SAMD5: variants seen among roughly 807,000 people sequenced by gnomAD.
The protein encoded by SAMD5 is sterile alpha motif domain containing 5.
SAMD5 carries 13 observed loss-of-function variants against 11.3 expected under a neutral mutation model. The ratio of observed to expected loss-of-function variants is 1.15; its 90% CI spans 0.75 to 1.83. SAMD5 has a LOEUF of 1.83. Ranked by LOEUF, SAMD5 falls within the 40% of genes most tolerant of loss-of-function variation. SAMD5 has a pLI of 0.00. For synonymous variants in SAMD5, 129 were observed against 111.3 expected (o/e 1.16, Z -1.00); for missense variants, 255 against 239.1 (o/e 1.07, Z -0.44).
intron 1 of SAMD5, chr6:147,729,771 A>C (rs1170385883): frequency 4.4e-6 from 2 of 457,112 alleles, no homozygotes; most frequent in Non-Finnish European, 8.8e-6. Flanking sequence ...CTGAGAGGTG[A>C]TGTGCCTGAT....
intron 1 of SAMD5, among the ~76,000 whole-genome samples, chr6:147,584,980 G>A (rs1479675972): frequency 6.6e-6 from 1 of 151,856 alleles, no homozygotes; most frequent in Non-Finnish European, 1.5e-5. Context: ...ATGCCTAAAT[G>A]TATGAGTATA....
At chr6:147,821,949 G>A in the SAMD5 span, among the ~76,000 whole-genome samples, 4 of 152,094 alleles carry the variant, frequency 2.6e-5, no homozygotes, top group African/African-American at 4.8e-5. Context: ...TCAGAATGAA[G>A]TAATAGAAAC....
intron 1 of SAMD5, among the ~76,000 whole-genome samples, chr6:147,580,016 C>G (rs377046847): frequency 6.5e-4 from 99 of 152,146 alleles, no homozygotes; most frequent in Non-Finnish European, 1.1e-3. Context: ...CTCCTTCACG[C>G]AGGAGGGAGT....
chr6:147,940,033 G>C, the SAMD5 span, among the ~76,000 whole-genome samples: 1 of 151,980 alleles, frequency 6.6e-6, no homozygotes, highest in African/African-American at 2.4e-5. Flanking sequence ...AGGTGTCTTA[G>C]GCAAAGAGAA....
At chr6:147,686,624 T>G (rs1388349641) in intron 1 of SAMD5, among the ~76,000 whole-genome samples, 1 of 152,190 alleles carries the variant, frequency 6.6e-6, no homozygotes, top group East Asian at 1.9e-4. Context: ...ATACTGTTTA[T>G]TGGTATATTT....
At chr6:147,872,812 G>C in the SAMD5 span, among the ~76,000 whole-genome samples, 4 of 152,028 alleles carry the variant, frequency 2.6e-5, no homozygotes, top group Admixed American at 1.3e-4. Flanking sequence ...CAAATGGATG[G>C]GTCAGTACCA....
the SAMD5 span, among the ~76,000 whole-genome samples, chr6:147,786,120 C>T: frequency 9.9e-5 from 15 of 152,124 alleles, no homozygotes; most frequent in Non-Finnish European, 1.5e-4. Context: ...TTTTGAGTTC[C>T]GCAAAATGTC....
the SAMD5 span, among the ~76,000 whole-genome samples, chr6:147,911,786 G>C: frequency 6.6e-6 from 1 of 152,192 alleles, no homozygotes; most frequent in Non-Finnish European, 1.5e-5. Context: ...GGTCAGCTGA[G>C]TAGCTGGTCT....
At chr6:147,894,921 T>G in the SAMD5 span, among the ~76,000 whole-genome samples, 1 of 152,238 alleles carries the variant, frequency 6.6e-6, no homozygotes, top group Non-Finnish European at 1.5e-5. Context: ...GATTAAATTT[T>G]GATTCATTAG....
At chr6:147,519,725 G>C (rs1221280538) in intron 1 of SAMD5, among the ~76,000 whole-genome samples, 3 of 152,144 alleles carry the variant, frequency 2.0e-5, no homozygotes, top group African/African-American at 7.2e-5. Flanking sequence ...TGGGTTGGGG[G>C]CCTCTGAATT....
chr6:147,577,529 C>T (rs138223702), intron 1 of SAMD5, among the ~76,000 whole-genome samples: 126 of 152,102 alleles, frequency 8.3e-4, no homozygotes, highest in African/African-American at 2.9e-3. Flanking sequence ...GAACCTACAA[C>T]TAAATGAATT....
intron 1 of SAMD5, among the ~76,000 whole-genome samples, chr6:147,690,418 G>A (rs1382836786): frequency 6.6e-6 from 1 of 152,148 alleles, no homozygotes; most frequent in Non-Finnish European, 1.5e-5. Context: ...CCAACACTTT[G>A]GGAGGCTGAG....
At chr6:147,557,952 C>A (rs114860419) in intron 1 of SAMD5, among the ~76,000 whole-genome samples, 2,016 of 152,202 alleles carry the variant, frequency 0.013, 45 homozygotes, top group African/African-American at 0.045. Context: ...TTGTGGTAAG[C>A]AGTAAAGGTG....
chr6:147,844,668 T>A, the SAMD5 span, among the ~76,000 whole-genome samples: 33 of 145,486 alleles, frequency 2.3e-4, no homozygotes, highest in African/African-American at 2.2e-4. Context: ...TAAAACAATT[T>A]AAAAAAAAAA....
the SAMD5 span, among the ~76,000 whole-genome samples, chr6:147,751,702 C>G: frequency 6.6e-6 from 1 of 152,168 alleles, no homozygotes; most frequent in African/African-American, 2.4e-5. Flanking sequence ...ACTAATCACA[C>G]GATTGAGGCC....
intron 1 of SAMD5, among the ~76,000 whole-genome samples, chr6:147,626,814 AAAAG>A (rs1431770259): frequency 7.0e-4 from 102 of 145,702 alleles, no homozygotes; most frequent in African/African-American, 1.9e-3. Flanking sequence ...AAAAAAAAAA[AAAAG>A]AAAGAAAGAA....
the SAMD5 span, among the ~76,000 whole-genome samples, chr6:147,936,669 G>A: frequency 6.6e-6 from 1 of 152,202 alleles, no homozygotes; most frequent in Non-Finnish European, 1.5e-5. Flanking sequence ...CCATCATAAG[G>A]TTAAAATTAA....
chr6:147,583,281 T>G, intron 1 of SAMD5, among the ~76,000 whole-genome samples: 1 of 152,238 alleles, frequency 6.6e-6, no homozygotes, highest in East Asian at 1.9e-4. Context: ...GTATCTGATC[T>G]AATCAGTAAG....
rs537025791 is a variant in SAMD5, at chr6:147,667,485, G to T, written c.163-69832G>T. 4.6e-5 allele frequency among the ~76,000 whole-genome samples: 7 copies of T among 152,234 alleles called. No homozygotes were observed. The East Asian group carries it at 1.4e-3, about 29-fold the overall frequency. ...AGCTTTGCAACAGAATCTAAAAGGG[G>T]CCAAGAAAAAGCCAAGGGCAGAACA... On this transcript the variant is annotated intron_variant, in intron 1 of 1. Coordinates refer to the SAMD5 transcript ENST00000566741.
Sources: allele counts gnomAD v4.1 joint callset (sites outside exome capture counted in the v4.1 genomes callset), GRCh38; gene constraint gnomAD v4.1.1; transcripts MANE v1.5; gene names NCBI Gene and HGNC (gene_info 2026-07-23, HGNC 2026-07-21).